The following ARHGAP31 variants were observed in gnomAD, a reference collection of about 807,000 sequenced individuals.
ARHGAP31 encodes the protein rho GTPase-activating protein 31.
In ARHGAP31, 34 loss-of-function variants were observed where a neutral mutation model predicts 113.9. That is an observed-to-expected ratio of 0.30 (90% CI 0.23 to 0.40). The LOEUF is 0.40. ARHGAP31 is among the 10% of genes least tolerant of loss of function. ARHGAP31 has a pLI of 1.00. For missense variants in ARHGAP31, 1,548 were observed against 1,767.1 expected (o/e 0.88, Z 2.22); for synonymous variants, 650 against 684.8 (o/e 0.95, Z 0.79).
chr3:119,335,493 G>C (rs763660238), intron 1 of ARHGAP31, among the ~76,000 whole-genome samples: 2 of 152,186 alleles, frequency 1.3e-5, no homozygotes, highest in Non-Finnish European at 2.9e-5. Flanking sequence ...GCCAGGGCAG[G>C]CCAGGGGATG....
At chr3:119,318,800 G>C (rs12637189) in intron 1 of ARHGAP31, among the ~76,000 whole-genome samples, 13,369 of 152,088 alleles carry the variant, frequency 0.088, 775 homozygotes, top group Non-Finnish European at 0.12. Context: ...CTAAGCTCTG[G>C]TAGTACAGAA....
chr3:119,343,043 T>A (rs965005173), intron 1 of ARHGAP31, among the ~76,000 whole-genome samples: 9 of 152,228 alleles, frequency 5.9e-5, no homozygotes, highest in African/African-American at 2.2e-4. Context: ...TTTGATGAAT[T>A]TTTCAAAATC....
chr3:119,384,826 C>T (rs944454602), intron 6 of ARHGAP31, among the ~76,000 whole-genome samples: 1 of 152,140 alleles, frequency 6.6e-6, no homozygotes, highest in Non-Finnish European at 1.5e-5. Context: ...TTTTCCTCCC[C>T]CACAGGCCCT....
intron 1 of ARHGAP31, among the ~76,000 whole-genome samples, chr3:119,324,051 G>T (rs949763423): frequency 6.6e-6 from 1 of 151,888 alleles, no homozygotes; most frequent in Admixed American, 6.6e-5. Flanking sequence ...TATCCTAAGT[G>T]GGGCTCTTGC....
At chr3:119,305,929 C>T (rs540838088) in intron 1 of ARHGAP31, among the ~76,000 whole-genome samples, 1 of 152,160 alleles carries the variant, frequency 6.6e-6, no homozygotes, top group African/African-American at 2.4e-5. Context: ...GTTTTCCCCC[C>T]TCCTAAGCCT....
intron 3 of ARHGAP31, among the ~76,000 whole-genome samples, chr3:119,369,353 G>A (rs1484434489): frequency 5.9e-5 from 9 of 151,576 alleles, no homozygotes; most frequent in Non-Finnish European, 1.3e-4. Context: ...GTGTAGATAC[G>A]AAAAGAAGTG....
chr3:119,351,335 G>A (rs1397270686), intron 1 of ARHGAP31, among the ~76,000 whole-genome samples: 2 of 152,124 alleles, frequency 1.3e-5, no homozygotes, highest in Admixed American at 6.5e-5. Flanking sequence ...GCTGCTTTCT[G>A]GTCTTCCTCA....
At chr3:119,370,586 ACACACACACT>A (rs2080289810) in intron 3 of ARHGAP31, among the ~76,000 whole-genome samples, 1 of 149,872 alleles carries the variant, frequency 6.7e-6, no homozygotes, top group Admixed American at 6.6e-5. Flanking sequence ...AGATCTCAAC[ACACACACACT>A]CACACACACT....
chr3:119,352,846 TA>T (rs1287697788), intron 1 of ARHGAP31, among the ~76,000 whole-genome samples: 1 of 152,170 alleles, frequency 6.6e-6, no homozygotes, highest in Non-Finnish European at 1.5e-5. Context: ...AGACAGTCAG[TA>T]AAAATGCCCC....
Position 119,371,241 on chromosome 3 carries a change from GA to G in ARHGAP31, c.348+2728del, listed in dbSNP as rs1157709790. 2.0e-5 allele frequency among the ~76,000 whole-genome samples: 3 copies of G among 152,208 alleles called. No individual in the cohort carries two copies. The East Asian group carries it at 5.8e-4, about 29-fold the overall frequency. On this transcript the variant is annotated intron_variant, in intron 3 of 11. Coordinates refer to ENST00000264245, the MANE Select transcript of ARHGAP31 (RefSeq NM_020754.4). ...AGGAATTCTTTGTCTGGAAACTTTA[GA>G]AATACAATTTCTCCTTAGCCCTTGT...
At chr3:119,313,113 T>TAA (rs1193483885) in intron 1 of ARHGAP31, among the ~76,000 whole-genome samples, 2 of 152,232 alleles carry the variant, frequency 1.3e-5, no homozygotes, top group Non-Finnish European at 2.9e-5. Flanking sequence ...GGATGGTTTT[T>TAA]AAAGTGTTAA....
chr3:119,401,722 C>T, intron 9 of ARHGAP31, 100 bp from the exon 10 acceptor site: 3 of 1,095,550 alleles, frequency 2.7e-6, no homozygotes, highest in Non-Finnish European at 4.1e-6. Context: ...GAATGCTGTG[C>T]CTCTCTAGTA....
At chr3:119,349,999 T>C (rs904514762) in intron 1 of ARHGAP31, among the ~76,000 whole-genome samples, 5 of 152,340 alleles carry the variant, frequency 3.3e-5, no homozygotes, top group Admixed American at 2.0e-4. Flanking sequence ...ATTTCAGTGC[T>C]AATAGAAGGG....
At chr3:119,344,974 AT>A (rs553881042) in intron 1 of ARHGAP31, among the ~76,000 whole-genome samples, 2,052 of 137,514 alleles carry the variant, frequency 0.015, 47 homozygotes, top group African/African-American at 0.052. Flanking sequence ...TGCTGGTGGG[AT>A]TTTTTTTTTC....
chr3:119,343,347 C>T (rs1017878313), intron 1 of ARHGAP31, among the ~76,000 whole-genome samples: 3 of 152,174 alleles, frequency 2.0e-5, no homozygotes, highest in Non-Finnish European at 2.9e-5. Context: ...TTCCCTCAGC[C>T]CCTAATTTCT....
chr3:119,342,331 A>G (rs1329783472), intron 1 of ARHGAP31, among the ~76,000 whole-genome samples: 1 of 152,234 alleles, frequency 6.6e-6, no homozygotes, highest in Non-Finnish European at 1.5e-5. Context: ...ACCAAGAAAA[A>G]AATTAATACC....
At chr3:119,317,633 A>C (rs1160741612) in intron 1 of ARHGAP31, among the ~76,000 whole-genome samples, 1 of 152,208 alleles carries the variant, frequency 6.6e-6, no homozygotes, top group Non-Finnish European at 1.5e-5. Context: ...ACACAGAATA[A>C]TTCCTACCAC....
chr3:119,383,253 C>T (rs763977018), intron 6 of ARHGAP31, 27 bp downstream of exon 6: 6 of 1,613,454 alleles, frequency 3.7e-6, no homozygotes, highest in Non-Finnish European at 5.1e-6. Context: ...GCATACACTC[C>T]ACCAGCTTAT....
At chr3:119,345,080 G>A (rs1210325153) in intron 1 of ARHGAP31, among the ~76,000 whole-genome samples, 2 of 151,822 alleles carry the variant, frequency 1.3e-5, no homozygotes, top group African/African-American at 4.8e-5. Context: ...TGCCTCCCGG[G>A]TTCACGCCAT....
Sources: gnomAD v4.1 joint callset for allele counts (sites outside exome capture counted in the v4.1 genomes callset) on GRCh38, gnomAD v4.1.1 for gene constraint, MANE v1.5 for transcripts, NCBI Gene and HGNC (gene_info 2026-07-23, HGNC 2026-07-21) for gene names.